TTC34: variants seen among roughly 807,000 people sequenced by gnomAD.
The protein encoded by TTC34 is tetratricopeptide repeat protein 34.
A neutral mutation model predicts 40.7 loss-of-function variants in TTC34; 44 were observed. That is an observed-to-expected ratio of 1.08 (90% CI 0.85 to 1.39). TTC34 has a LOEUF of 1.39. Ranked by LOEUF, TTC34 falls within the 40% of genes most tolerant of loss-of-function variation. The pLI is 0.00. For missense variants in TTC34, 884 were observed against 838.0 expected (o/e 1.05, Z -0.68); for synonymous variants, 422 against 398.6 (o/e 1.06, Z -0.70).
intron 6 of TTC34, among the ~76,000 whole-genome samples, chr1:2,687,455 A>G (rs1285962718): frequency 2.0e-5 from 3 of 147,160 alleles, no homozygotes; most frequent in South Asian, 2.1e-4. Context: ...ACCACAGGTG[A>G]GCATCCGACA....
Position 2,645,623 on chromosome 1 carries a change from G to A in TTC34, c.2227-60C>T. ...TCCTAAGTAGAGAAACTGGGCAGAG[G>A]GTCAGAGTAGGAGGACTGGCTCTGT... On this transcript the variant is annotated intron_variant, in intron 6 of 8. Coordinates refer to ENST00000401095, the Ensembl canonical transcript of TTC34. The surrounding 1 kb of genome is among the most constrained non-coding windows in gnomAD (Gnocchi z 4.7). The A allele has an allele frequency of 1.4e-6, 2 of 1,417,892 alleles. No individual in the cohort carries two copies. The highest frequency in any genetic ancestry group is 2.9e-5 in the African/African-American group (2 of 69,448). 87.8% of individuals were successfully genotyped at this position (1,417,892 alleles called of 1,614,324 possible). A position where few individuals can be genotyped will look rare whatever the true frequency, so the allele number is the denominator to read the frequency against.
chr1:2,790,040 A>G lies in TTC34; in HGVS notation c.1091T>C (p.Leu364Pro), dbSNP rs544626585. The G allele has an allele frequency of 1.3e-5, 5 of 397,220 alleles. No individual in the cohort carries two copies. The South Asian group carries it at 6.4e-4, about 51-fold the overall frequency. The allele number at this position is 397,220 out of a possible 1,614,324, so 24.6% of individuals were successfully genotyped here. A position where few individuals can be genotyped will look rare whatever the true frequency, so the allele number is the denominator to read the frequency against. The change falls in exon 3 of 9, where the codon CTG becomes CCG. Residue 364 changes from leucine (L) to proline (P), a missense_variant. Leu to Pro is a moderately conservative substitution (Grantham distance 98). Transcript: ENST00000401095. ...CGCGGGTCGCGCCCCGGCAGGCGCC[A>G]GGCGAAGCAGGACGCGGAGCGCGCG...
rs1471793084 is a variant in TTC34 at position 2,687,504 on chromosome 1, C to T, written c.2227-41941G>A. ...CCCACACACTCAGGCGAGCATCTGA[C>T]ATCCTTGAGCAGCACCCACACCCCC... is the stretch of plus-strand genomic sequence containing the variant. On this transcript the variant is annotated intron_variant, in intron 6 of 8. Coordinates refer to ENST00000401095, the Ensembl canonical transcript of TTC34. 8.2e-5 allele frequency among the ~76,000 whole-genome samples: 12 copies of T among 146,338 alleles called. No homozygotes were observed. The East Asian group carries it at 2.1e-3, about 25-fold the overall frequency.
At chr1:2,687,012 G>A in intron 6 of TTC34, among the ~76,000 whole-genome samples, 1 of 149,918 alleles carries the variant, frequency 6.7e-6, no homozygotes, top group Non-Finnish European at 1.5e-5. Context: ...ACCCCCAGGT[G>A]AGCATTCGAC....
At chr1:2,642,877 G>A (rs1557578498) in intron 8 of TTC34, among the ~76,000 whole-genome samples, 1 of 152,246 alleles carries the variant, frequency 6.6e-6, no homozygotes, top group African/African-American at 2.4e-5. Flanking sequence ...GGCTCCCGCA[G>A]GGCACAGTGT....
exon 3 of TTC34, chr1:2,789,545 C>G: frequency 6.7e-7 from 1 of 1,496,950 alleles, no homozygotes. Context: ...GGCCTCCCTC[C>G]GGCCCTGCGC....
At chr1:2,749,082 C>A (rs1641235450) in intron 6 of TTC34, among the ~76,000 whole-genome samples, 22 of 130,132 alleles carry the variant, frequency 1.7e-4, no homozygotes, top group South Asian at 2.5e-4. Flanking sequence ...GCACCCACAA[C>A]CCCAGGCGAG....
Position 2,775,424 on chromosome 1 carries a change from A to G in TTC34, c.2226+8185T>C, listed in dbSNP as rs1643041448. ...TGAGCATCTGACAGCCTGGAACAGC[A>G]CCCACACTCCCAGGTGAGCATCTGA... On this transcript the variant is annotated intron_variant, in intron 6 of 8. Coordinates refer to ENST00000401095, the Ensembl canonical transcript of TTC34. The G allele has an allele frequency of 1.4e-5, 2 of 146,028 alleles. 1 individual carries two copies. Among genetic ancestry groups the G allele is most frequent in the African/African-American group, 5.4e-5 (2 of 36,778 alleles). 9.0% of individuals were successfully genotyped at this position (146,028 alleles called of 1,614,324 possible). A position where few individuals can be genotyped will look rare whatever the true frequency, so the allele number is the denominator to read the frequency against.
At chr1:2,638,549 C>T (rs1638835183) in exon 9 of TTC34, 1 of 152,314 alleles carries the variant, frequency 6.6e-6, no homozygotes, top group Admixed American at 6.5e-5. Flanking sequence ...TTCTCTCCAC[C>T]TCCAGCTGAG....
In TTC34 at chr1:2,751,792, T is replaced by A. The variant is rs1641329237; in HGVS notation, c.2226+31817A>T. ...ACCCACAGGTGAGCATCTGACAGCC[T>A]GGAGCAGCAGCCACATCCCCAGGTG... On this transcript the variant is annotated intron_variant, in intron 6 of 8. Transcript: ENST00000401095. Among the ~76,000 whole-genome samples the A allele has an allele frequency of 1.5e-5, 2 of 131,284 alleles. 1 individual carries two copies. Among genetic ancestry groups the A allele is most frequent in the African/African-American group, 6.5e-5 (2 of 30,850 alleles). The allele number at this position is 131,284 out of a possible 152,430, so 86.1% of individuals were successfully genotyped here.
At chr1:2,643,666 G>A (rs1292172584) in intron 8 of TTC34, among the ~76,000 whole-genome samples, 3 of 152,200 alleles carry the variant, frequency 2.0e-5, no homozygotes, top group African/African-American at 4.8e-5. Flanking sequence ...GGGGGCAGCG[G>A]CGCCCCCTCT....
chr1:2,757,734 C>G (rs1405534383), intron 6 of TTC34, among the ~76,000 whole-genome samples: 1,552 of 145,526 alleles, frequency 0.011, 48 homozygotes, highest in East Asian at 0.052. Flanking sequence ...ATCTGACAGC[C>G]TGTAACAGTA....
intron 6 of TTC34, among the ~76,000 whole-genome samples, chr1:2,752,431 G>C (rs1641351814): frequency 6.7e-6 from 1 of 148,684 alleles, no homozygotes; most frequent in Non-Finnish European, 1.5e-5. Context: ...GCATCTGACA[G>C]CCTGGAACAG....
chr1:2,749,070 C>A (rs1569684817), intron 6 of TTC34, among the ~76,000 whole-genome samples: 29 of 132,934 alleles, frequency 2.2e-4, no homozygotes, highest in Middle Eastern at 4.4e-3. Context: ...CAGCCTGGAG[C>A]AGCACCCACA....
At chr1:2,643,142 G>T (rs555612512) in intron 8 of TTC34, among the ~76,000 whole-genome samples, 1 of 152,288 alleles carries the variant, frequency 6.6e-6, no homozygotes, top group East Asian at 1.9e-4. Flanking sequence ...CGCCCCAGTG[G>T]GGAAGGGCGC....
intron 6 of TTC34, among the ~76,000 whole-genome samples, chr1:2,767,950 C>T (rs1641831148): frequency 6.7e-6 from 1 of 149,514 alleles, no homozygotes; most frequent in African/African-American, 2.5e-5. Context: ...CATCCGATGG[C>T]ATGGAACAGC....
At chr1:2,789,437 T>C in intron 3 of TTC34, 66 bp downstream of exon 3, 4 of 1,410,862 alleles carry the variant, frequency 2.8e-6, no homozygotes, top group Non-Finnish European at 3.8e-6. Context: ...AGGAAACACA[T>C]CCGTCGCTAC....
intron 8 of TTC34, among the ~76,000 whole-genome samples, chr1:2,643,728 T>C (rs540102703): frequency 1.3e-5 from 2 of 152,214 alleles, no homozygotes; most frequent in African/African-American, 2.4e-5. Flanking sequence ...CGCCATGAGC[T>C]CCCTGTTCTT....
intron 6 of TTC34, among the ~76,000 whole-genome samples, chr1:2,652,363 C>A (rs1043626028): frequency 6.1e-5 from 9 of 147,784 alleles, no homozygotes; most frequent in Admixed American, 1.3e-4. Context: ...ACAGCACGCA[C>A]ACCCCCAGGT....
Sources: gnomAD v4.1 joint callset for allele counts (sites outside exome capture counted in the v4.1 genomes callset) on GRCh38, gnomAD v4.1.1 for gene constraint, Gnocchi (gnomAD v3.1) non-coding constraint, MANE v1.5 for transcripts, NCBI Gene and HGNC (gene_info 2026-07-23, HGNC 2026-07-21) for gene names.